The following CACNA1H variants were observed in gnomAD, a reference collection of about 807,000 sequenced individuals.
CACNA1H encodes calcium voltage-gated channel subunit alpha1 H.
A neutral mutation model predicts 192.5 loss-of-function variants in CACNA1H; 149 were observed. The ratio of observed to expected loss-of-function variants is 0.77; its 90% CI spans 0.68 to 0.89. The LOEUF (loss-of-function observed/expected upper bound fraction) is 0.89, where lower values mean the gene tolerates loss of function less well. CACNA1H is among the 40% of genes least tolerant of loss of function. The pLI, the probability that CACNA1H is intolerant of heterozygous loss-of-function variation, is 0.00. For synonymous variants in CACNA1H, 2,202 were observed against 1,475.2 expected, an observed-to-expected ratio of 1.49 and a Z score of -11.29; for missense variants, 4,257 against 3,423.5, an observed-to-expected ratio of 1.24 and a Z score of -6.08.
At chr16:1,170,965 G>C (rs976678913) in intron 2 of CACNA1H, among the ~76,000 whole-genome samples, 1 of 152,088 alleles carries the variant, frequency 6.6e-6, no homozygotes, top group African/African-American at 2.4e-5. Flanking sequence ...GCTCCCCAGG[G>C]GGACAGGTAC....
At chr16:1,193,372 G>A (rs1966784306) in intron 2 of CACNA1H, among the ~76,000 whole-genome samples, 1 of 152,234 alleles carries the variant, frequency 6.6e-6, no homozygotes, top group South Asian at 2.1e-4. Context: ...AAGGGGCCTG[G>A]CACGGCTTCC....
At chr16:1,202,483 G>A in intron 9 of CACNA1H, 31 bp downstream of exon 9, 1 of 1,457,430 alleles carries the variant, frequency 6.9e-7, no homozygotes, top group Non-Finnish European at 9.1e-7. Context: ...CACGGAGGAG[G>A]CGGTGGGACC....
At chr16:1,218,741 C>A in intron 33 of CACNA1H, 90 bp downstream of exon 33, 2 of 1,297,384 alleles carry the variant, frequency 1.5e-6, no homozygotes, top group East Asian at 2.5e-5. Flanking sequence ...GGGGTCAGGC[C>A]AGAGCAGGGC....
Position 1,202,010 on chromosome 16 carries a change from C to A in CACNA1H, c.1560C>A (p.His520Gln). 1 of 1,537,802 alleles carries A rather than the reference C, an allele frequency of 6.5e-7. No individual in the cohort carries two copies. The highest frequency in any genetic ancestry group is 1.2e-5 in the South Asian group (1 of 83,880). ...CCTCGGTGCACCACCTGGTCTACCA[C>A]CACCATCACCACCACCACCACCACT... is the stretch of plus-strand genomic sequence containing the variant. ...HTASVHHLVY[H>Q]HHHHHHHHYH... Residue 520 changes from histidine to glutamine, a missense_variant, in exon 9 of 35, where the codon CAC (histidine) becomes CAA (glutamine). By Grantham distance (24) the His-to-Gln change is conservative. Transcript: ENST00000348261.
In CACNA1H at chr16:1,221,099, G is replaced by A. The variant is rs886393579; in HGVS notation, c.*105G>A. The A allele has an allele frequency of 6.1e-5, 55 of 897,718 alleles. No individual in the cohort carries two copies. The highest frequency in any genetic ancestry group is 1.1e-4 in the South Asian group (6 of 53,450). 55.6% of individuals were successfully genotyped at this position (897,718 alleles called of 1,614,324 possible). On this transcript the variant is annotated 3_prime_UTR_variant, in exon 35 of 35. Coordinates refer to ENST00000348261, the MANE Select transcript of CACNA1H (RefSeq NM_021098.3). ...CATGGACCCTGACTTGGGTCCCGTC[G>A]TGAGCAGAAAGGCCCGGGGAGGATG...
At position 1,192,147 on chromosome 16, in the gene CACNA1H, C is replaced by T. The variant is rs549787159; in HGVS notation, c.300-2825C>T. Among the ~76,000 whole-genome samples the T allele has an allele frequency of 4.6e-5, 7 of 152,236 alleles. No individual in the cohort carries two copies. In the South Asian group the frequency reaches 1.4e-3, roughly 32 times the overall value. ...TTGGAAAAGACAGCACCCCATCCCC[C>T]ACTAAACCAGACGGTCCGAGAGGTC... On this transcript the variant is annotated intron_variant, in intron 2 of 34. Coordinates refer to ENST00000348261, the MANE Select transcript of CACNA1H (RefSeq NM_021098.3).
At chr16:1,170,362 G>A (rs965911642) in intron 2 of CACNA1H, among the ~76,000 whole-genome samples, 3 of 152,226 alleles carry the variant, frequency 2.0e-5, no homozygotes, top group East Asian at 1.9e-4. Flanking sequence ...CGGAGCCAGC[G>A]GGACAGGGCC....
intron 6 of CACNA1H, among the ~76,000 whole-genome samples, chr16:1,199,920 C>T (rs996824787): frequency 6.6e-5 from 10 of 152,146 alleles, no homozygotes; most frequent in African/African-American, 9.7e-5. Flanking sequence ...GGGTCTCCCT[C>T]CCTGTTTGTC....
At chr16:1,166,961 C>G (rs1963851367) in intron 2 of CACNA1H, among the ~76,000 whole-genome samples, 1 of 152,182 alleles carries the variant, frequency 6.6e-6, no homozygotes, top group African/African-American at 2.4e-5. Flanking sequence ...CTGGGTCAGG[C>G]GGAAACAGTG....
At chr16:1,210,247 C>T in intron 18 of CACNA1H, 112 bp downstream of exon 18, 2 of 1,240,766 alleles carry the variant, frequency 1.6e-6, no homozygotes, top group Non-Finnish European at 1.1e-6. Context: ...GAGTGGGCAC[C>T]CCTTCTCACA....
chr16:1,174,308 G>T (rs1489867025), intron 2 of CACNA1H, among the ~76,000 whole-genome samples: 1 of 152,210 alleles, frequency 6.6e-6, no homozygotes, highest in African/African-American at 2.4e-5. Flanking sequence ...CTCCTGGAGC[G>T]CACCCTTGGT....
At position 1,220,962 on chromosome 16, in the gene CACNA1H, GC is replaced by G. The variant is rs1403681168; in HGVS notation, c.7034del (p.Pro2345GlnfsTer40). On this transcript the variant is annotated frameshift_variant, in exon 35 of 35. Coordinates refer to ENST00000348261, the MANE Select transcript of CACNA1H (RefSeq NM_021098.3). LOFTEE classifies it high-confidence loss of function. ...ACCAGGGTCCCCCTCAGCCACCCCT[GC>G]CCCAGGGGGTGGTGCAGATGACCCC... is the stretch of plus-strand genomic sequence containing the variant. The part of the protein sequence containing the change: ...EKPGSPSATP[A>X]PGGGADDPV 3 of 1,603,494 alleles carry G rather than the reference GC, an allele frequency of 1.9e-6. No individual in the cohort carries two copies. In the South Asian group the frequency reaches 3.3e-5, roughly 18 times the overall value.
At chr16:1,163,673 G>T (rs952798888) in intron 2 of CACNA1H, among the ~76,000 whole-genome samples, 1 of 152,220 alleles carries the variant, frequency 6.6e-6, no homozygotes, top group Non-Finnish European at 1.5e-5. Context: ...AACTTGTCCC[G>T]GGCTGCTGGG....
intron 6 of CACNA1H, among the ~76,000 whole-genome samples, chr16:1,199,627 T>C (rs959380179): frequency 6.7e-6 from 1 of 149,570 alleles, no homozygotes; most frequent in Non-Finnish European, 1.5e-5. Context: ...GCCCTTGCTC[T>C]GCAGTCTCTC....
chr16:1,203,270 G>T lies in CACNA1H; in HGVS notation c.2003-740G>T, dbSNP rs1049277120. On this transcript the variant is annotated intron_variant, in intron 9 of 34. Coordinates refer to ENST00000348261, the MANE Select transcript of CACNA1H (RefSeq NM_021098.3). ...AGACAGCACGAAAACATCACAGGAC[G>T]GCTCGATGGTCATTTTCATGTCAGT... is the stretch of plus-strand genomic sequence containing the variant. Among the ~76,000 whole-genome samples the T allele has an allele frequency of 2.6e-5, 4 of 152,298 alleles. No individual in the cohort carries two copies. In the South Asian group the frequency reaches 8.3e-4, roughly 32 times the overall value.
At chr16:1,196,653 T>A (rs1967012799) in intron 5 of CACNA1H, among the ~76,000 whole-genome samples, 1 of 152,132 alleles carries the variant, frequency 6.6e-6, no homozygotes, top group Non-Finnish European at 1.5e-5. Context: ...TCCTTCAGGA[T>A]TTGGCCAGCA....
Position 1,219,099 on chromosome 16 carries a change from C to A in CACNA1H, c.6017C>A (p.Ser2006Tyr), listed in dbSNP as rs1433461792. 1 of 1,546,154 alleles carries A rather than the reference C, an allele frequency of 6.5e-7. No homozygotes were observed. The highest frequency in any genetic ancestry group is 8.7e-7 in the Non-Finnish European group (1 of 1,144,522). The change falls in exon 34 of 35, where the codon TCC becomes TAC. Residue 2006 changes from serine to tyrosine, a missense_variant. Transcript: ENST00000348261. ...HALSPRGTARSPSLSRLLCRQ... is the reference protein window; with the variant it reads ...HALSPRGTARYPSLSRLLCRQ... ...CTGTCCCCTCGGGGCACAGCCCGCT[C>A]CCCCAGTCTCAGCCGGCTGCTCTGC...
Position 1,218,655 on chromosome 16 carries a change from T to C in CACNA1H, c.5887+4T>C. ...TATGGGGCCGGCACCCCCTTGGGTA[T>C]GGTAGCCAGCAGGAAGATATGGGCT... is the stretch of plus-strand genomic sequence containing the variant. On this transcript the variant is annotated splice_donor_region_variant and intron_variant, in intron 33 of 34. Coordinates refer to ENST00000348261, the MANE Select transcript of CACNA1H (RefSeq NM_021098.3). The C allele has an allele frequency of 6.7e-7, 1 of 1,500,832 alleles. No individual in the cohort carries two copies. The highest frequency in any genetic ancestry group is 1.8e-4 in the Middle Eastern group (1 of 5,524). The allele number at this position is 1,500,832 out of a possible 1,614,324, so 93.0% of individuals were successfully genotyped here. A position where few individuals can be genotyped will look rare whatever the true frequency, so the allele number is the denominator to read the frequency against.
chr16:1,169,233 G>A (rs959677713), intron 2 of CACNA1H, among the ~76,000 whole-genome samples: 1 of 152,212 alleles, frequency 6.6e-6, no homozygotes, highest in African/African-American at 2.4e-5. Flanking sequence ...GGACGTGGAC[G>A]GGCTTCCTTT....
Sources: gnomAD v4.1 joint callset for allele counts (sites outside exome capture counted in the v4.1 genomes callset) on GRCh38, gnomAD v4.1.1 for gene constraint, MANE v1.5 for transcripts, NCBI Gene and HGNC (gene_info 2026-07-23, HGNC 2026-07-21) for gene names.